PRKCZ: variants seen among roughly 807,000 people sequenced by gnomAD.
PRKCZ encodes the protein protein kinase C zeta type.
PRKCZ carries 33 observed loss-of-function variants against 79.5 expected under a neutral mutation model. The ratio of observed to expected loss-of-function variants is 0.41; its 90% CI spans 0.31 to 0.55. The LOEUF (loss-of-function observed/expected upper bound fraction) is 0.55, where lower values mean the gene tolerates loss of function less well. Ranked by LOEUF, PRKCZ falls within the 20% of genes least tolerant of loss-of-function variation. PRKCZ has a pLI of 0.19. For synonymous variants in PRKCZ, 342 were observed against 320.9 expected, an observed-to-expected ratio of 1.07 and a Z score of -0.70; for missense variants, 578 against 813.5, an observed-to-expected ratio of 0.71 and a Z score of 3.52.
intron 4 of PRKCZ, among the ~76,000 whole-genome samples, chr1:2,114,843 C>T (rs1224892357): frequency 1.3e-5 from 2 of 152,158 alleles, no homozygotes; most frequent in Non-Finnish European, 2.9e-5. Flanking sequence ...TGGGTTTCAG[C>T]TTTTCTTATG....
intron 4 of PRKCZ, among the ~76,000 whole-genome samples, chr1:2,062,690 G>C (rs796071209): frequency 2.0e-5 from 3 of 151,914 alleles, no homozygotes; most frequent in African/African-American, 7.2e-5. Context: ...GTTTTACCAT[G>C]TTGCCCAGGC....
chr1:2,182,718 C>G (rs1298330636), intron 16 of PRKCZ: 1 of 154,794 alleles, frequency 6.5e-6, no homozygotes, highest in Non-Finnish European at 1.5e-5. Context: ...ATGGTGGTTC[C>G]ATGAGGCTGG....
chr1:2,130,459 G>A (rs886439078), intron 4 of PRKCZ, among the ~76,000 whole-genome samples: 1 of 152,198 alleles, frequency 6.6e-6, no homozygotes, highest in Non-Finnish European at 1.5e-5. Context: ...GAAACATGAT[G>A]CCTGCCCAAA....
chr1:2,099,324 A>T (rs1667065999), intron 4 of PRKCZ, among the ~76,000 whole-genome samples: 1 of 152,200 alleles, frequency 6.6e-6, no homozygotes, highest in African/African-American at 2.4e-5. Context: ...GAGCCCTGTC[A>T]TTCATTCATT....
rs971004770 is a variant in PRKCZ, at chr1:2,056,400, T to G, written c.194-84T>G. On this transcript the variant is annotated intron_variant, in intron 2 of 17. Transcript: ENST00000378567. ...GGGACTTTGCCCCCCACCAGACCCT[T>G]GTCTGGTGTGCTGAGCGGGCTCGTC... The G allele has an allele frequency of 1.9e-5, 24 of 1,241,792 alleles. No homozygotes were observed. In the African/African-American group the frequency reaches 2.7e-4, roughly 14 times the overall value. 76.9% of individuals were successfully genotyped at this position (1,241,792 alleles called of 1,614,324 possible).
intron 6 of PRKCZ, chr1:2,144,794 G>T (rs978275224): frequency 3.8e-6 from 1 of 264,866 alleles, no homozygotes; most frequent in Non-Finnish European, 6.0e-6. Flanking sequence ...CCTTCCCTCC[G>T]CCATCCCCGA....
At chr1:2,093,330 TGGC>T (rs1665848851) in intron 4 of PRKCZ, among the ~76,000 whole-genome samples, 1 of 152,082 alleles carries the variant, frequency 6.6e-6, no homozygotes, top group African/African-American at 2.4e-5. Context: ...GCCTTGCTCT[TGGC>T]GGGCGGCTAG....
At chr1:2,153,049 G>A (rs1056067729) in intron 9 of PRKCZ, among the ~76,000 whole-genome samples, 6 of 152,194 alleles carry the variant, frequency 3.9e-5, no homozygotes, top group Admixed American at 6.5e-5. Context: ...TCAACTGATG[G>A]GGACCTGCCA....
At chr1:2,088,195 C>T (rs1360309208) in intron 4 of PRKCZ, among the ~76,000 whole-genome samples, 1 of 152,134 alleles carries the variant, frequency 6.6e-6, no homozygotes, top group Non-Finnish European at 1.5e-5. Flanking sequence ...CCGCCTCCCT[C>T]ATCTGGATAA....
intron 10 of PRKCZ, 60 bp from the exon 11 acceptor site, chr1:2,169,454 TTCTG>T (rs1016191899): frequency 4.9e-6 from 7 of 1,421,842 alleles, no homozygotes; most frequent in African/African-American, 2.9e-5. Flanking sequence ...TCTGTGGGGC[TTCTG>T]TCTAAGGAGG....
rs1157571590 is a variant in PRKCZ at position 2,146,090 on chromosome 1, T to C, written c.616T>C (p.Ser206Pro). The change falls in exon 7 of 18, where the codon TCC becomes CCC. Residue 206 changes from serine (S) to proline (P), a missense_variant. Transcript: ENST00000378567. Reference sequence around the variant, plus strand: ...CAAGAACGAGGACGCCGACCTTCCTTCCGAGGAGACAGATGGAAGTAGGCG... The same window carrying C: ...CAAGAACGAGGACGCCGACCTTCCTCCCGAGGAGACAGATGGAAGTAGGCG... ...DDKNEDADLP[S>P]EETDGIAYIS... is the part of the protein sequence containing the mutation. The C allele has an allele frequency of 6.2e-7, 1 of 1,613,930 alleles. No homozygotes were observed. The highest frequency in any genetic ancestry group is 8.5e-7 in the Non-Finnish European group (1 of 1,179,854).
intron 4 of PRKCZ, among the ~76,000 whole-genome samples, chr1:2,122,649 T>G (rs1440151115): frequency 6.0e-4 from 3 of 4,970 alleles, no homozygotes; most frequent in Non-Finnish European, 9.5e-4. Context: ...TGGTTAGGGT[T>G]GTGGTGGTTA....
At chr1:2,058,088 C>T (rs1381718145) in intron 3 of PRKCZ, among the ~76,000 whole-genome samples, 3 of 152,126 alleles carry the variant, frequency 2.0e-5, no homozygotes, top group African/African-American at 4.8e-5. Flanking sequence ...AAGATGGTCT[C>T]GATCTCCTGA....
At chr1:2,184,811 T>A in intron 17 of PRKCZ, 111 bp from the exon 18 acceptor site, 1 of 1,375,332 alleles carries the variant, frequency 7.3e-7, no homozygotes. Context: ...CCGCCTGGTG[T>A]CATCTCTCCA....
chr1:2,140,824 C>T (rs552214888), intron 5 of PRKCZ, among the ~76,000 whole-genome samples: 5 of 152,238 alleles, frequency 3.3e-5, no homozygotes, highest in African/African-American at 9.6e-5. Context: ...AAAAATCAGC[C>T]GGACGTGGTG....
chr1:2,052,492 C>T (rs965722492), intron 1 of PRKCZ, among the ~76,000 whole-genome samples: 1 of 151,760 alleles, frequency 6.6e-6, no homozygotes, highest in African/African-American at 2.4e-5. Context: ...TCTCCCTTCC[C>T]TGCCACACCT....
At chr1:2,096,538 C>T (rs1666554481) in intron 4 of PRKCZ, among the ~76,000 whole-genome samples, 1 of 151,736 alleles carries the variant, frequency 6.6e-6, no homozygotes, top group South Asian at 2.1e-4. Flanking sequence ...GGTGGGCGCT[C>T]AGAGGCGGTT....
intron 10 of PRKCZ, chr1:2,156,345 G>A (rs1681043481): frequency 2.6e-6 from 1 of 390,574 alleles, no homozygotes; most frequent in African/African-American, 2.0e-5. Flanking sequence ...GCAGGCATTG[G>A]GTCAGGTGCT....
intron 10 of PRKCZ, among the ~76,000 whole-genome samples, chr1:2,162,920 C>A (rs1682600864): frequency 6.6e-6 from 1 of 151,486 alleles, no homozygotes; most frequent in South Asian, 2.1e-4. Flanking sequence ...CTTCTGAGTT[C>A]TCTTCCTTGT....
Sources: gnomAD v4.1 joint callset for allele counts (sites outside exome capture counted in the v4.1 genomes callset) on GRCh38, gnomAD v4.1.1 for gene constraint, MANE v1.5 for transcripts, NCBI Gene and HGNC (gene_info 2026-07-23, HGNC 2026-07-21) for gene names.